LDHD: variants seen among roughly 807,000 people sequenced by gnomAD.
LDHD encodes the protein lactate dehydrogenase D, also known as D-lactate dehydrogenase, mitochondrial.
In LDHD, 58 loss-of-function variants were observed where a neutral mutation model predicts 52.9. The ratio of observed to expected loss-of-function variants is 1.10; its 90% CI spans 0.89 to 1.36. The LOEUF is 1.36. Among genes scored for constraint, LDHD ranks in the 40% most tolerant of loss-of-function variants. The pLI, the probability that LDHD is intolerant of heterozygous loss-of-function variation, is 0.00. For missense variants in LDHD, 747 were observed against 668.0 expected, an observed-to-expected ratio of 1.12 and a Z score of -1.30; for synonymous variants, 350 against 288.6, an observed-to-expected ratio of 1.21 and a Z score of -2.16.
intron 3 of LDHD, 21 bp from the exon 4 acceptor site, chr16:75,114,989 G>C (rs370173266): frequency 1.3e-6 from 2 of 1,594,804 alleles, no homozygotes; most frequent in Non-Finnish European, 1.7e-6. Context: ...CAGGTGCTAA[G>C]ACCACTGCAG....
rs1249850614 is a variant in LDHD at position 75,114,177 on chromosome 16, G to A, written c.630-12C>T. The A allele has an allele frequency of 6.2e-7, 1 of 1,611,366 alleles. No homozygotes were observed. The highest frequency in any genetic ancestry group is 1.7e-5 in the Admixed American group (1 of 60,014). ...CGGCTGCACTCTTCCTACGTCCCAG[G>A]GACACACAAGGTGAGTACCAGGCTG... On this transcript the variant is annotated splice_polypyrimidine_tract_variant and intron_variant, in intron 5 of 10. Coordinates refer to ENST00000450168, the MANE Select transcript of LDHD (RefSeq NM_194436.3).
In LDHD at chr16:75,116,710, A is replaced by T; in HGVS notation, c.11T>A (p.Leu4Gln). 6.3e-7 allele frequency: 1 copy of T among 1,593,152 alleles called. No homozygotes were observed. The highest frequency in any genetic ancestry group is 8.5e-7 in the Non-Finnish European group (1 of 1,172,178). Reference sequence around the variant, plus strand: ...CAGCTCCCAGGTTGCAGACCTGAGCAGTCGGGCCATAGCCAGGCACTGGCC... The same window carrying T: ...CAGCTCCCAGGTTGCAGACCTGAGCTGTCGGGCCATAGCCAGGCACTGGCC... Reference protein sequence around the residue: MARLLRSATWELFP... With the variant: MARQLRSATWELFP... Residue 4 changes from leucine to glutamine, a missense_variant, in exon 1 of 11, where the codon CTG becomes CAG. Physicochemically the swap from Leu to Gln is moderately radical, Grantham distance 113. Transcript: ENST00000450168.
At position 75,115,078 on chromosome 16, in the gene LDHD, G is replaced by A. The variant is rs373463253; in HGVS notation, c.328-110C>T. ...CCAGCAGCCAGACCAGACCCCCAGAGGCAGGCAGCCCACGGGCGGGAGCAG... is the reference window on the plus strand; with the variant it reads ...CCAGCAGCCAGACCAGACCCCCAGAAGCAGGCAGCCCACGGGCGGGAGCAG... On this transcript the variant is annotated intron_variant, in intron 3 of 10. Coordinates refer to ENST00000450168, the MANE Select transcript of LDHD (RefSeq NM_194436.3). The A allele has an allele frequency of 7.8e-6, 12 of 1,539,220 alleles. No homozygotes were observed. The African/African-American group carries it at 8.2e-5, about 11-fold the overall frequency.
At position 75,114,886 on chromosome 16, in the gene LDHD, C is replaced by G; in HGVS notation, c.410G>C (p.Gly137Ala). 6.2e-7 allele frequency: 1 copy of G among 1,614,032 alleles called. No individual in the cohort carries two copies. Among genetic ancestry groups the G allele is most frequent in the Non-Finnish European group, 8.5e-7 (1 of 1,180,004 alleles). The change falls in exon 4 of 11, where the codon GGT becomes GCT. Residue 137 changes from glycine to alanine, a missense_variant. Transcript: ENST00000450168. ...GGCGTTGAGGGCTTTGCGGGTGACA[C>G]CTGGCTCCACCACCACAGAGAAGTC... is the stretch of plus-strand genomic sequence containing the variant. Reference protein sequence around the residue: ...QEDFSVVVEPGVTRKALNAHL... With the variant: ...QEDFSVVVEPAVTRKALNAHL...
chr16:75,111,952 TACCAGGAAAGGAGTGTTCCTGTC>T lies in LDHD; in HGVS notation c.*381_*403del, dbSNP rs1245085261. On this transcript the variant is annotated 3_prime_UTR_variant, in exon 11 of 11. Coordinates refer to ENST00000450168, the MANE Select transcript of LDHD (RefSeq NM_194436.3). Reference sequence around the variant, plus strand: ...TCATGTCACGGGAGCTCACGTTCCATACCAGGAAAGGAGTGTTCCTGTCACCAGGTGAAGGGGGAAGGGTCCTG... The same window carrying T: ...TCATGTCACGGGAGCTCACGTTCCATACCAGGTGAAGGGGGAAGGGTCCTG... The T allele has an allele frequency of 5.7e-6, 1 of 175,206 alleles. No homozygotes were observed. The highest frequency in any genetic ancestry group is 2.4e-5 in the African/African-American group (1 of 42,144). The allele number at this position is 175,206 out of a possible 1,614,324, so 10.9% of individuals were successfully genotyped here.
chr16:75,116,751 T>C lies in LDHD; in HGVS notation c.-31A>G. The C allele has an allele frequency of 1.3e-6, 2 of 1,491,906 alleles. No individual in the cohort carries two copies. Among genetic ancestry groups the C allele is most frequent in the South Asian group, 1.2e-5 (1 of 80,128 alleles). 92.4% of individuals were successfully genotyped at this position (1,491,906 alleles called of 1,614,324 possible). ...GGCACTGGCCAGAGGGTGTGAGCAC[T>C]GGGTGGCAGGGTGACCAGTCAGCTA... On this transcript the variant is annotated 5_prime_UTR_variant, in exon 1 of 11. Coordinates refer to ENST00000450168, the MANE Select transcript of LDHD (RefSeq NM_194436.3).
Position 75,114,077 on chromosome 16 carries a change from G to A in LDHD, c.718C>T (p.His240Tyr). The change falls in exon 6 of 11, where the codon CAC (histidine) becomes TAC (tyrosine). Residue 240 changes from histidine (H) to tyrosine (Y), a missense_variant. Physicochemically the swap from His to Tyr is moderately conservative, Grantham distance 83. Coordinates refer to ENST00000450168, the MANE Select transcript of LDHD (RefSeq NM_194436.3). ...GCCACTGTGGCCTCAGGGGCAGGGT[G>A]CAGGCGCAGGGTGGTGGCTGTGATG... is the stretch of plus-strand genomic sequence containing the variant. Reference protein sequence around the residue: ...GLITATTLRLHPAPEATVAAT... With the variant: ...GLITATTLRLYPAPEATVAAT... 1.2e-6 allele frequency: 2 copies of A among 1,611,314 alleles called. No homozygotes were observed. Among genetic ancestry groups the A allele is most frequent in the Non-Finnish European group, 1.7e-6 (2 of 1,179,930 alleles).
chr16:75,115,018 G>A (rs1317496844), intron 3 of LDHD, 50 bp from the exon 4 acceptor site: 1 of 1,576,482 alleles, frequency 6.3e-7, no homozygotes, highest in Non-Finnish European at 8.6e-7. Context: ...CTCTGACCTG[G>A]CCACGTCCCC....
rs372903097 is a variant in LDHD, at chr16:75,115,589, C to G, written c.144G>C (p.Ala48=). The stretch of plus-strand genomic sequence containing the variant: ...CGCGCCCGTGCTGCTCTCGGACCAC[C>G]GCGGCAGTGGACACGTGGGAGCCGC... ...VVGGSHVSTA[A]VVREQHGRDE... Residue 48 remains alanine, a synonymous_variant, in exon 2 of 11, where the codon GCG becomes GCC. Transcript: ENST00000450168. The G allele has an allele frequency of 4.2e-5, 68 of 1,612,958 alleles. No homozygotes were observed. The highest frequency in any genetic ancestry group is 5.4e-5 in the Non-Finnish European group (64 of 1,179,944).
chr16:75,115,238 C>G lies in LDHD; in HGVS notation c.287G>C (p.Gly96Ala). 1 of 1,613,290 alleles carries G rather than the reference C, an allele frequency of 6.2e-7. No homozygotes were observed. The highest frequency in any genetic ancestry group is 8.5e-7 in the Non-Finnish European group (1 of 1,180,008). Residue 96 changes from glycine (G) to alanine (A), a missense_variant, in exon 3 of 11, where the codon GGC (glycine) becomes GCC (alanine). Gly to Ala is a moderately conservative substitution (Grantham distance 60). Transcript: ENST00000450168. The part of the protein sequence containing the change: ...YRQGVPIIPF[G>A]TGTGLEGGVC... The stretch of plus-strand genomic sequence containing the variant: ...GCCACCCTCAAGCCCGGTGCCGGTG[C>G]CGAATGGGATGATGGGCACACCTTG...
intron 4 of LDHD, 70 bp from the exon 5 acceptor site, chr16:75,114,755 T>C: frequency 6.4e-7 from 1 of 1,565,626 alleles, no homozygotes; most frequent in South Asian, 1.2e-5. Context: ...GGGAGGAAGG[T>C]CCCCTGAACC....
In LDHD at chr16:75,116,488, A is replaced by G. The variant is rs151229147; in HGVS notation, c.72+161T>C. Reference sequence around the variant, plus strand: ...GGGGACTCAGCTGATCTCACTCTACACCCACCCACAGTTGCCACAGGGTAA... The same window carrying G: ...GGGGACTCAGCTGATCTCACTCTACGCCCACCCACAGTTGCCACAGGGTAA... On this transcript the variant is annotated intron_variant, in intron 1 of 10. Coordinates refer to ENST00000450168, the MANE Select transcript of LDHD (RefSeq NM_194436.3). 1,568 of 594,758 alleles carry G rather than the reference A, an allele frequency of 2.6e-3. 20 individuals are homozygous for G. Among genetic ancestry groups the G allele is most frequent in the African/African-American group, 0.026 (1,352 of 51,524 alleles). 36.8% of individuals were successfully genotyped at this position (594,758 alleles called of 1,614,324 possible). A position where few individuals can be genotyped will look rare whatever the true frequency, so the allele number is the denominator to read the frequency against.
rs1348872097 is a variant in LDHD at position 75,112,864 on chromosome 16, T to C, written c.1147A>G (p.Lys383Glu). ...SRLPEIVVQT[K>E]EDLNASGLTG... ...AGTCCTGAGGCATTCAGATCCTCCT[T>C]GGTCTGCACCACGATCTCCGGCAGC... Residue 383 changes from lysine to glutamate, a missense_variant, in exon 9 of 11, where the codon AAG becomes GAG. Lys to Glu is a moderately conservative substitution (Grantham distance 56). Transcript: ENST00000450168. The C allele has an allele frequency of 1.9e-6, 3 of 1,613,546 alleles. No individual in the cohort carries two copies. Among genetic ancestry groups the C allele is most frequent in the South Asian group, 1.1e-5 (1 of 91,040 alleles).
Position 75,113,950 on chromosome 16 carries a change from C to A in LDHD, c.829+16G>T. On this transcript the variant is annotated intron_variant, in intron 6 of 10. Transcript: ENST00000450168. Reference sequence around the variant, plus strand: ...TTCCAGGGAGCCCACCCTGACTGCCCCCATCCTCAGCTCACCAATGCGGGC... The same window carrying A: ...TTCCAGGGAGCCCACCCTGACTGCCACCATCCTCAGCTCACCAATGCGGGC... 1 of 1,603,906 alleles carries A rather than the reference C, an allele frequency of 6.2e-7. No homozygotes were observed. Among genetic ancestry groups the A allele is most frequent in the South Asian group, 1.1e-5 (1 of 90,048 alleles).
Position 75,113,668 on chromosome 16 carries a change from G to A in LDHD, c.959-6C>T. 1 of 1,613,282 alleles carries A rather than the reference G, an allele frequency of 6.2e-7. No individual in the cohort carries two copies. On this transcript the variant is annotated splice_polypyrimidine_tract_variant and splice_region_variant and intron_variant, in intron 7 of 10. Transcript: ENST00000450168. The stretch of plus-strand genomic sequence containing the variant: ...GTTCTGCTGGACTATCTCCTCTGCA[G>A]TTGGGGAAGGGGGGCTGACACCGGG...
chr16:75,113,884 G>A lies in LDHD; in HGVS notation c.830-14C>T, dbSNP rs999989064. The A allele has an allele frequency of 1.2e-6, 2 of 1,613,622 alleles. No homozygotes were observed. Among genetic ancestry groups the A allele is most frequent in the Non-Finnish European group, 1.7e-6 (2 of 1,179,990 alleles). ...CATCCAGGAACTCTGGATCCAGGGA[G>A]ATGGCAGGCCAGGTGAGGCCTGGCC... On this transcript the variant is annotated splice_polypyrimidine_tract_variant and intron_variant, in intron 6 of 10. Transcript: ENST00000450168.
At chr16:75,112,772 C>T in intron 9 of LDHD, 59 bp from the exon 10 acceptor site, 1 of 1,598,132 alleles carries the variant, frequency 6.3e-7, no homozygotes, top group Non-Finnish European at 8.6e-7. Flanking sequence ...CCTCCTGCTG[C>T]CCCAGGCTCT....
intron 7 of LDHD, 31 bp from the exon 8 acceptor site, chr16:75,113,693 G>A (rs1294798805): frequency 1.2e-6 from 2 of 1,612,760 alleles, no homozygotes; most frequent in Admixed American, 3.3e-5. Context: ...CTGACACCGG[G>A]CCGCCACTGA....
At position 75,115,607 on chromosome 16, in the gene LDHD, G is replaced by C; in HGVS notation, c.126C>G (p.Ser42=). Residue 42 remains serine (S), a synonymous_variant, in exon 2 of 11, where the codon TCC becomes TCG. Transcript: ENST00000450168. The stretch of plus-strand genomic sequence containing the variant: ...GGACCACCGCGGCAGTGGACACGTG[G>C]GAGCCGCCCACCACGGCCTTCAGAG... ...VEALKAVVGG[S]HVSTAAVVRE... 1 of 1,612,690 alleles carries C rather than the reference G, an allele frequency of 6.2e-7. No homozygotes were observed. Among genetic ancestry groups the C allele is most frequent in the South Asian group, 1.1e-5 (1 of 91,034 alleles).
Sources: allele counts gnomAD v4.1 joint callset, GRCh38; gene constraint gnomAD v4.1.1; transcripts MANE v1.5; gene names NCBI Gene and HGNC (gene_info 2026-07-23, HGNC 2026-07-21).